SAMMSON: variants seen among roughly 807,000 people sequenced by gnomAD.
SAMMSON encodes the protein long intergenic non-protein coding RNA 1212.
At chr3:70,297,183 A>G (rs1200070632) in intron 7 of SAMMSON, among the ~76,000 whole-genome samples, 9 of 152,110 alleles carry the variant, frequency 5.9e-5, no homozygotes, top group Non-Finnish European at 1.3e-4. Flanking sequence ...TTACTATTGG[A>G]TGATTTAAAT....
At chr3:70,355,265 C>A (rs996169725) in intron 8 of SAMMSON, among the ~76,000 whole-genome samples, 3 of 152,220 alleles carry the variant, frequency 2.0e-5, no homozygotes, top group South Asian at 4.1e-4. Context: ...TTTCTCATCA[C>A]ACATTCTTAC....
intron 6 of SAMMSON, among the ~76,000 whole-genome samples, chr3:70,266,059 G>A (rs1701914278): frequency 6.6e-6 from 1 of 152,168 alleles, no homozygotes; most frequent in African/African-American, 2.4e-5. Flanking sequence ...AAAAGAGAAT[G>A]AGAAATCTCT....
chr3:70,155,927 A>G (rs1434628341), intron 4 of SAMMSON, among the ~76,000 whole-genome samples: 3 of 152,098 alleles, frequency 2.0e-5, no homozygotes, highest in Admixed American at 2.0e-4. Context: ...TAAATATTTA[A>G]TAAGCATTTA....
rs938352929 is a variant in SAMMSON at position 70,007,170 on chromosome 3, G to A, written n.23-5187G>A. 3.9e-5 allele frequency among the ~76,000 whole-genome samples: 6 copies of A among 152,184 alleles called. No individual in the cohort carries two copies. The South Asian group carries it at 1.2e-3, about 32-fold the overall frequency. ...TCCTTTGGGTATATACCCAGTAATGGGATTGCTGGGTCAAATGGTATTTCT... is the reference window on the plus strand; with the variant it reads ...TCCTTTGGGTATATACCCAGTAATGAGATTGCTGGGTCAAATGGTATTTCT... On this transcript the variant is annotated intron_variant and non_coding_transcript_variant, in intron 1 of 9. Transcript: ENST00000642114.
chr3:70,027,625 G>A (rs1286929366), intron 3 of SAMMSON, among the ~76,000 whole-genome samples: 1 of 152,170 alleles, frequency 6.6e-6, no homozygotes, highest in Non-Finnish European at 1.5e-5. Context: ...ACAAATACTG[G>A]TTTATTTTAG....
At chr3:70,092,901 T>TG (rs1553714615) in intron 4 of SAMMSON, among the ~76,000 whole-genome samples, 5 of 77,836 alleles carry the variant, frequency 6.4e-5, no homozygotes, top group Admixed American at 3.1e-4. Flanking sequence ...CTAGTGTTTT[T>TG]GTTTTTTTTT....
At chr3:70,061,934 G>A (rs1192104699) in intron 3 of SAMMSON, among the ~76,000 whole-genome samples, 1 of 151,998 alleles carries the variant, frequency 6.6e-6, no homozygotes, top group Non-Finnish European at 1.5e-5. Context: ...GATTCTATGT[G>A]TAAACAAACC....
intron 2 of SAMMSON, among the ~76,000 whole-genome samples, chr3:70,418,083 C>T (rs1197148023): frequency 6.6e-6 from 1 of 152,200 alleles, no homozygotes; most frequent in Non-Finnish European, 1.5e-5. Context: ...GATCAATAAT[C>T]TGACCACTAA....
At chr3:70,372,357 G>A (rs1575635772) in intron 9 of SAMMSON, among the ~76,000 whole-genome samples, 1 of 151,818 alleles carries the variant, frequency 6.6e-6, no homozygotes, top group African/African-American at 2.4e-5. Flanking sequence ...TGTTGCCCAG[G>A]CTGAAGTACA....
intron 3 of SAMMSON, among the ~76,000 whole-genome samples, chr3:70,032,004 A>C (rs2067067969): frequency 6.6e-6 from 1 of 152,240 alleles, no homozygotes; most frequent in Non-Finnish European, 1.5e-5. Flanking sequence ...TTTTGTGTGC[A>C]ATGCACATTT....
chr3:70,106,818 T>C (rs1047473239), intron 4 of SAMMSON, among the ~76,000 whole-genome samples: 4 of 152,210 alleles, frequency 2.6e-5, no homozygotes, highest in African/African-American at 9.6e-5. Flanking sequence ...TTGGTTAAGA[T>C]AGCCTTTGAA....
At chr3:70,334,755 T>C (rs1702649142) in intron 7 of SAMMSON, among the ~76,000 whole-genome samples, 1 of 152,092 alleles carries the variant, frequency 6.6e-6, no homozygotes, top group Non-Finnish European at 1.5e-5. Context: ...CAGAGCTATG[T>C]TGCTAATGAA....
In SAMMSON at chr3:70,116,808, T is replaced by G. The variant is rs1342637947; in HGVS notation, n.507+45243T>G. ...TCTTAGTGAAACTTTAAATGGGAGA[T>G]TCATACAATCCCAAAGCTTTCTTAT... On this transcript the variant is annotated intron_variant and non_coding_transcript_variant, in intron 4 of 9. Transcript: ENST00000642114. Among the ~76,000 whole-genome samples the G allele has an allele frequency of 2.0e-5, 3 of 152,140 alleles. No homozygotes were observed. In the East Asian group the frequency reaches 5.8e-4, roughly 29 times the overall value.
intron 3 of SAMMSON, among the ~76,000 whole-genome samples, chr3:70,021,901 A>T (rs992570613): frequency 6.6e-6 from 1 of 152,072 alleles, no homozygotes; most frequent in Admixed American, 6.6e-5. Flanking sequence ...TTTAATAATT[A>T]TTTTCAAAGA....
chr3:70,403,994 T>C (rs1220317873), intron 2 of SAMMSON, among the ~76,000 whole-genome samples: 2 of 152,158 alleles, frequency 1.3e-5, no homozygotes, highest in Non-Finnish European at 2.9e-5. Context: ...ACAAAGTCCA[T>C]GTTTCAGTGT....
At chr3:70,030,952 G>A (rs981347855) in intron 3 of SAMMSON, among the ~76,000 whole-genome samples, 10 of 152,252 alleles carry the variant, frequency 6.6e-5, no homozygotes, top group East Asian at 1.9e-4. Flanking sequence ...CTGGTGAGGC[G>A]TAAAATTGTA....
intron 4 of SAMMSON, chr3:70,205,000 G>T (rs951447872): frequency 2.0e-5 from 3 of 152,010 alleles, no homozygotes; most frequent in African/African-American, 7.2e-5. Context: ...TTCTTGACTG[G>T]CATTAATCTC....
intron 3 of SAMMSON, among the ~76,000 whole-genome samples, chr3:70,016,117 T>A (rs2066983993): frequency 1.3e-5 from 2 of 152,182 alleles, no homozygotes; most frequent in South Asian, 2.1e-4. Flanking sequence ...TTTCTAGTTC[T>A]AGATCCCTGA....
intron 3 of SAMMSON, chr3:70,069,235 A>G (rs2107594119): frequency 6.6e-6 from 1 of 152,214 alleles, no homozygotes; most frequent in Admixed American, 6.5e-5. Flanking sequence ...CATTCCTATG[A>G]TCCTTTGTGA....
Sources: gnomAD v4.1 joint callset for allele counts (sites outside exome capture counted in the v4.1 genomes callset) on GRCh38, gnomAD v4.1.1 for gene constraint, MANE v1.5 for transcripts, NCBI Gene and HGNC (gene_info 2026-07-23, HGNC 2026-07-21) for gene names.